ACSL3: variants seen among roughly 807,000 people sequenced by gnomAD.
ACSL3 encodes acyl-CoA synthetase long chain family member 3, also known as fatty acid CoA ligase Acsl3.
In ACSL3, 34 loss-of-function variants were observed where a neutral mutation model predicts 84.7. The observed-to-expected ratio is 0.40, with a 90% confidence interval of 0.31 to 0.53. The LOEUF is 0.53. ACSL3 is among the 20% of genes least tolerant of loss of function. The pLI is 0.48. For missense variants in ACSL3, 680 were observed against 873.1 expected, an observed-to-expected ratio of 0.78 and a Z score of 2.79; for synonymous variants, 315 against 299.4, an observed-to-expected ratio of 1.05 and a Z score of -0.54.
intron 3 of ACSL3, among the ~76,000 whole-genome samples, chr2:222,905,990 C>T (rs1696281680): frequency 1.3e-5 from 2 of 152,014 alleles, no homozygotes; most frequent in African/African-American, 4.8e-5. Flanking sequence ...ATTTCTGCTG[C>T]CTGCTTTTCC....
Position 222,941,485 on chromosome 2 carries a change from T to C in ACSL3, c.2006-12T>C. 1 of 1,568,564 alleles carries C rather than the reference T, an allele frequency of 6.4e-7. No individual in the cohort carries two copies. Among genetic ancestry groups the C allele is most frequent in the South Asian group, 1.2e-5 (1 of 83,572 alleles). Reference sequence around the variant, plus strand: ...TACCTTTTCTTCTTTTCTTTTTTTTTAATCATCTTAGCAAGTCTGGAAAAG... The same window carrying C: ...TACCTTTTCTTCTTTTCTTTTTTTTCAATCATCTTAGCAAGTCTGGAAAAG... On this transcript the variant is annotated splice_polypyrimidine_tract_variant and intron_variant, in intron 16 of 16. Coordinates refer to ENST00000357430, the MANE Select transcript of ACSL3 (RefSeq NM_004457.5).
chr2:222,862,118 AT>A (rs1695030236), intron 1 of ACSL3, among the ~76,000 whole-genome samples: 1 of 152,240 alleles, frequency 6.6e-6, no homozygotes, highest in Admixed American at 6.5e-5. Flanking sequence ...TGTGAACGAA[AT>A]TATAGCTGAA....
intron 4 of ACSL3, among the ~76,000 whole-genome samples, chr2:222,915,013 C>G (rs975355602): frequency 6.6e-6 from 1 of 152,196 alleles, no homozygotes; most frequent in Non-Finnish European, 1.5e-5. Flanking sequence ...TATCAAACAC[C>G]TTTTCAGAAC....
chr2:222,903,611 A>T (rs1696212849), intron 3 of ACSL3, among the ~76,000 whole-genome samples: 2 of 152,232 alleles, frequency 1.3e-5, no homozygotes, highest in Admixed American at 6.5e-5. Flanking sequence ...GAAAAGAGTT[A>T]TATGAGTCAT....
Position 222,916,461 on chromosome 2 carries a change from T to C in ACSL3, c.521T>C (p.Ile174Thr). 1.2e-6 allele frequency: 2 copies of C among 1,613,714 alleles called. No individual in the cohort carries two copies. Among genetic ancestry groups the C allele is most frequent in the Non-Finnish European group, 1.7e-6 (2 of 1,179,812 alleles). The change falls in exon 5 of 17, where the codon ATA becomes ACA. Residue 174 changes from isoleucine (I) to threonine (T), a missense_variant. By Grantham distance (89) the Ile-to-Thr change is moderately conservative. This residue lies in a region of ACSL3 where 333 missense variants were observed against 347.5 expected (regional missense o/e 0.96). Transcript: ENST00000357430. ...IFCETRAEWM[I>T]AAQACFMYNF... ...TGTGAGACCAGGGCCGAGTGGATGA[T>C]AGCTGCACAGGCGTGTTTTATGTAT...
intron 10 of ACSL3, 24 bp downstream of exon 10, chr2:222,923,173 A>G: frequency 1.3e-6 from 2 of 1,585,142 alleles, no homozygotes; most frequent in Non-Finnish European, 1.7e-6. Flanking sequence ...CTTATTTAAT[A>G]TTGAGTATTA....
chr2:222,905,107 A>C (rs1322785909), intron 3 of ACSL3: 1 of 152,296 alleles, frequency 6.6e-6, no homozygotes, highest in Admixed American at 6.5e-5. Context: ...GGGTGGTAAG[A>C]GCTCAAACAG....
intron 2 of ACSL3, among the ~76,000 whole-genome samples, chr2:222,899,221 C>G (rs548184925): frequency 3.3e-4 from 50 of 152,280 alleles, no homozygotes; most frequent in Admixed American, 1.0e-3. Context: ...AACCTAGAAG[C>G]TGTGAAAGAA....
At chr2:222,916,720 A>G (rs1574552672) in intron 5 of ACSL3, 3 of 360,874 alleles carry the variant, frequency 8.3e-6, no homozygotes, top group African/African-American at 2.1e-5. Flanking sequence ...TCTTCATGGG[A>G]GACTTTCAGG....
Position 222,909,132 on chromosome 2 carries a change from T to C in ACSL3, c.360T>C (p.Asn120=), listed in dbSNP as rs1480843104. The change falls in exon 4 of 17, where the codon AAT becomes AAC. Residue 120 remains asparagine (N), a synonymous_variant. Coordinates refer to ENST00000357430, the MANE Select transcript of ACSL3 (RefSeq NM_004457.5). ...VLNEEDEVQP[N]GKIFKKVILG... ...ATGAGGAAGATGAAGTACAACCAAATGGAAAAATTTTTAAAAAGGTAAGAT... is the reference window on the plus strand; with the variant it reads ...ATGAGGAAGATGAAGTACAACCAAACGGAAAAATTTTTAAAAAGGTAAGAT... 6.3e-7 allele frequency: 1 copy of C among 1,594,756 alleles called. No individual in the cohort carries two copies. Among genetic ancestry groups the C allele is most frequent in the Admixed American group, 1.9e-5 (1 of 53,228 alleles).
intron 1 of ACSL3, among the ~76,000 whole-genome samples, chr2:222,875,657 G>C (rs895295918): frequency 2.6e-5 from 4 of 152,114 alleles, no homozygotes; most frequent in Non-Finnish European, 5.9e-5. Flanking sequence ...ATTGCATGAC[G>C]TTATAGCGCA....
chr2:222,885,063 T>A (rs1262286310), intron 1 of ACSL3, among the ~76,000 whole-genome samples: 1 of 152,206 alleles, frequency 6.6e-6, no homozygotes, highest in Non-Finnish European at 1.5e-5. Flanking sequence ...ATGGTGTCAT[T>A]CTTAGAATGC....
At chr2:222,865,544 A>G (rs1447579405) in intron 1 of ACSL3, among the ~76,000 whole-genome samples, 1 of 152,242 alleles carries the variant, frequency 6.6e-6, no homozygotes, top group Non-Finnish European at 1.5e-5. Context: ...GAGGTGTATG[A>G]ACAAATTACA....
At chr2:222,931,890 G>T (rs1697039789) in intron 14 of ACSL3, among the ~76,000 whole-genome samples, 1 of 151,896 alleles carries the variant, frequency 6.6e-6, no homozygotes, top group Non-Finnish European at 1.5e-5. Context: ...TTTCCCTTAG[G>T]ACTCGGCTCA....
At chr2:222,911,782 A>C (rs1449473746) in intron 4 of ACSL3, among the ~76,000 whole-genome samples, 1 of 152,224 alleles carries the variant, frequency 6.6e-6, no homozygotes, top group Non-Finnish European at 1.5e-5. Context: ...TGTTTCCTAA[A>C]TGTGCGTGTG....
At chr2:222,882,848 A>G (rs1695626072) in intron 1 of ACSL3, among the ~76,000 whole-genome samples, 1 of 146,656 alleles carries the variant, frequency 6.8e-6, no homozygotes. Context: ...GCTTACTGCA[A>G]GCTCTGCCTC....
intron 4 of ACSL3, among the ~76,000 whole-genome samples, chr2:222,914,270 TGTGTGTG>T (rs1381036736): frequency 6.7e-6 from 1 of 148,708 alleles, no homozygotes; most frequent in African/African-American, 2.5e-5. Flanking sequence ...TGTGTGTGTG[TGTGTGTG>T]TATTTTGAGA....
At chr2:222,893,832 T>C (rs1695902619) in intron 2 of ACSL3, among the ~76,000 whole-genome samples, 1 of 152,024 alleles carries the variant, frequency 6.6e-6, no homozygotes, top group African/African-American at 2.4e-5. Flanking sequence ...AGGGTTTCTT[T>C]CTTTCTGACT....
intron 11 of ACSL3, among the ~76,000 whole-genome samples, chr2:222,925,036 A>T (rs1325326214): frequency 2.0e-5 from 3 of 151,392 alleles, no homozygotes; most frequent in Non-Finnish European, 4.4e-5. Flanking sequence ...GTCTCAAAAA[A>T]AAAAAAAAAA....
Sources: allele counts gnomAD v4.1 joint callset (sites outside exome capture counted in the v4.1 genomes callset), GRCh38; gene constraint gnomAD v4.1.1; regional missense constraint gnomAD v4.1.1; transcripts MANE v1.5; gene names NCBI Gene and HGNC (gene_info 2026-07-23, HGNC 2026-07-21).